Variants in CNTN5 observed in about 807,000 individuals in gnomAD.
CNTN5 encodes the protein contactin 5.
In CNTN5, 77 loss-of-function variants were observed where a neutral mutation model predicts 129.1. That is an observed-to-expected ratio of 0.60 (90% CI 0.50 to 0.72). The LOEUF (loss-of-function observed/expected upper bound fraction) is 0.72. Ranked by LOEUF, CNTN5 falls within the 30% of genes least tolerant of loss-of-function variation. CNTN5 has a pLI of 0.00. For missense variants in CNTN5, 1,478 were observed against 1,328.8 expected (o/e 1.11, Z -1.75); for synonymous variants, 509 against 465.6 (o/e 1.09, Z -1.20).
chr11:99,533,704 G>T (rs1398519377), intron 2 of CNTN5, among the ~76,000 whole-genome samples: 1 of 152,200 alleles, frequency 6.6e-6, no homozygotes, highest in African/African-American at 2.4e-5. Context: ...AATGCCTAAA[G>T]GTTGGAACTC....
At chr11:99,376,065 T>C (rs1448586241) in intron 2 of CNTN5, among the ~76,000 whole-genome samples, 2 of 152,076 alleles carry the variant, frequency 1.3e-5, no homozygotes, top group African/African-American at 2.4e-5. Context: ...TTGCGGATGA[T>C]GCAAGGAAAA....
chr11:99,470,977 C>A (rs762691627), intron 2 of CNTN5, among the ~76,000 whole-genome samples: 3 of 151,894 alleles, frequency 2.0e-5, no homozygotes, highest in African/African-American at 7.3e-5. Context: ...GCTGTCATCC[C>A]CAAAATAACT....
intron 3 of CNTN5, among the ~76,000 whole-genome samples, chr11:99,759,260 G>A (rs1944499830): frequency 6.6e-6 from 1 of 152,028 alleles, no homozygotes; most frequent in African/African-American, 2.4e-5. Flanking sequence ...CATAAGTCCT[G>A]TGAGGAAACA....
intron 3 of CNTN5, among the ~76,000 whole-genome samples, chr11:99,738,616 C>CGTGTGTGTGT (rs113729274): frequency 0.019 from 2,675 of 143,090 alleles, 50 homozygotes; most frequent in Middle Eastern, 0.024. Context: ...AAGACAGTAA[C>CGTGTGTGTGT]GTGTGTGTGT....
At chr11:100,291,734 T>C (rs976416937) in intron 18 of CNTN5, among the ~76,000 whole-genome samples, 1 of 147,624 alleles carries the variant, frequency 6.8e-6, no homozygotes, top group Admixed American at 6.7e-5. Context: ...ACATGTACCC[T>C]AAAACGTAAA....
intron 3 of CNTN5, among the ~76,000 whole-genome samples, chr11:99,574,263 C>A (rs1280100509): frequency 6.6e-6 from 1 of 152,196 alleles, no homozygotes; most frequent in Non-Finnish European, 1.5e-5. Flanking sequence ...GCATAGTATT[C>A]CATGGTGTAT....
chr11:99,076,035 G>A (rs890068678), intron 1 of CNTN5, among the ~76,000 whole-genome samples: 8 of 151,948 alleles, frequency 5.3e-5, no homozygotes, highest in African/African-American at 1.9e-4. Context: ...ATTCCAATAC[G>A]AACTACTTTA....
At chr11:99,923,689 G>A (rs1362418795) in intron 7 of CNTN5, among the ~76,000 whole-genome samples, 1 of 151,990 alleles carries the variant, frequency 6.6e-6, no homozygotes, top group Non-Finnish European at 1.5e-5. Flanking sequence ...GCATTCCCAT[G>A]AAAAATGTAG....
At chr11:100,256,822 C>A (rs1014416233) in intron 17 of CNTN5, among the ~76,000 whole-genome samples, 1 of 152,048 alleles carries the variant, frequency 6.6e-6, no homozygotes, top group Non-Finnish European at 1.5e-5. Flanking sequence ...AGGAGATTCC[C>A]TCAGGTGCCT....
chr11:99,641,297 C>G (rs566974383), intron 3 of CNTN5, among the ~76,000 whole-genome samples: 2 of 152,262 alleles, frequency 1.3e-5, no homozygotes, highest in South Asian at 4.1e-4. Flanking sequence ...GGGCCAAGAA[C>G]TACCTGAACA....
chr11:99,568,322 A>G (rs1949071850), intron 3 of CNTN5, among the ~76,000 whole-genome samples: 2 of 152,248 alleles, frequency 1.3e-5, no homozygotes, highest in South Asian at 2.1e-4. Context: ...TAATGCTCCA[A>G]TAATTCACAT....
chr11:100,128,869 C>T (rs1230502775), intron 13 of CNTN5, among the ~76,000 whole-genome samples: 2 of 152,066 alleles, frequency 1.3e-5, no homozygotes, highest in East Asian at 3.9e-4. Flanking sequence ...ATATTACTTG[C>T]CCAGAGAAAA....
At chr11:99,130,933 C>G (rs1858899970) in intron 1 of CNTN5, among the ~76,000 whole-genome samples, 1 of 151,968 alleles carries the variant, frequency 6.6e-6, no homozygotes, top group African/African-American at 2.4e-5. Flanking sequence ...GAGACATGGA[C>G]CAGAATCTCT....
rs201516416 is a variant in CNTN5 at position 100,193,485 on chromosome 11, T to C, written c.1709-3T>C. 4.1e-5 allele frequency: 63 copies of C among 1,531,462 alleles called. No homozygotes were observed. Among genetic ancestry groups the C allele is most frequent in the Non-Finnish European group, 5.5e-5 (62 of 1,129,402 alleles). The allele number at this position is 1,531,462 out of a possible 1,614,324, so 94.9% of individuals were successfully genotyped here. A position where few individuals can be genotyped will look rare whatever the true frequency, so the allele number is the denominator to read the frequency against. On this transcript the variant is annotated splice_region_variant and splice_polypyrimidine_tract_variant and intron_variant, in intron 14 of 24. Coordinates refer to ENST00000524871, the MANE Select transcript of CNTN5 (RefSeq NM_014361.4). ...CTTAATTAACGTATTTTTATTTCTATAGAACCTACAAGGATAGAACTTACT... is the reference window on the plus strand; with the variant it reads ...CTTAATTAACGTATTTTTATTTCTACAGAACCTACAAGGATAGAACTTACT...
At chr11:99,316,652 G>A (rs1286508325) in intron 1 of CNTN5, among the ~76,000 whole-genome samples, 1 of 150,988 alleles carries the variant, frequency 6.6e-6, no homozygotes, top group Non-Finnish European at 1.5e-5. Flanking sequence ...ACATGCTAAT[G>A]TATTACAGAA....
At chr11:99,671,845 C>T (rs915568425) in intron 3 of CNTN5, among the ~76,000 whole-genome samples, 3 of 151,732 alleles carry the variant, frequency 2.0e-5, no homozygotes, top group Non-Finnish European at 2.9e-5. Context: ...TATAATACAC[C>T]CTCTCCAAGT....
chr11:99,871,293 C>T (rs1048704542), intron 6 of CNTN5, among the ~76,000 whole-genome samples: 6 of 151,856 alleles, frequency 4.0e-5, no homozygotes, highest in African/African-American at 9.7e-5. Flanking sequence ...ATAATCAGAG[C>T]TCTACAATTT....
intron 2 of CNTN5, among the ~76,000 whole-genome samples, chr11:99,425,289 C>T (rs1378829532): frequency 1.3e-5 from 2 of 152,186 alleles, no homozygotes; most frequent in African/African-American, 2.4e-5. Flanking sequence ...ACTGGCAGCC[C>T]GGCCCTCAGG....
intron 2 of CNTN5, among the ~76,000 whole-genome samples, chr11:99,494,042 A>C (rs184463619): frequency 2.9e-4 from 44 of 152,286 alleles, no homozygotes; most frequent in African/African-American, 1.1e-3. Context: ...ATATTGCAGA[A>C]AGTTGTTTTC....
Sources: allele counts gnomAD v4.1 joint callset (sites outside exome capture counted in the v4.1 genomes callset), GRCh38; gene constraint gnomAD v4.1.1; transcripts MANE v1.5; gene names NCBI Gene and HGNC (gene_info 2026-07-23, HGNC 2026-07-21).